STARD9: variants seen among roughly 807,000 people sequenced by gnomAD.
STARD9 encodes the protein StAR related lipid transfer domain containing 9, also known as stAR-related lipid transfer protein 9.
Under a neutral mutation model 399.8 loss-of-function variants are expected in STARD9, and 346 were observed. The ratio of observed to expected loss-of-function variants is 0.87; its 90% confidence interval spans 0.79 to 0.95. The LOEUF is 0.95. Ranked by LOEUF, STARD9 falls within the 40% of genes least tolerant of loss-of-function variation. STARD9 has a pLI of 0.00. For missense variants in STARD9, 5,832 were observed against 5,667.5 expected (o/e 1.03, Z -0.93); for synonymous variants, 2,203 against 2,143.5 (o/e 1.03, Z -0.77).
chr15:42,604,556 G>A (rs1308014906), intron 3 of STARD9, among the ~76,000 whole-genome samples: 1 of 151,778 alleles, frequency 6.6e-6, no homozygotes, highest in Admixed American at 6.6e-5. Context: ...CGTGAAGAGG[G>A]AGGAAGATTG....
At position 42,649,008 on chromosome 15, in the gene STARD9, A is replaced by T. The variant is rs2059702283; in HGVS notation, c.560-2008A>T. Among the ~76,000 whole-genome samples the T allele has an allele frequency of 2.0e-5, 3 of 152,138 alleles. No individual in the cohort carries two copies. In the South Asian group the frequency reaches 6.2e-4, roughly 32 times the overall value. ...TGCCTCAGCCTCCCAAGTAGCTGAG[A>T]TTACAGGTGTGCACACCTAGCCTCC... On this transcript the variant is annotated intron_variant, in intron 7 of 32. Transcript: ENST00000290607.
At chr15:42,601,437 C>T (rs74802190) in intron 3 of STARD9, among the ~76,000 whole-genome samples, 15 of 151,554 alleles carry the variant, frequency 9.9e-5, no homozygotes, top group African/African-American at 2.2e-4. Context: ...CCAGACGGGG[C>T]GGCCGGGCAG....
chr15:42,655,057 G>A (rs925138442), intron 9 of STARD9, among the ~76,000 whole-genome samples: 7 of 152,134 alleles, frequency 4.6e-5, no homozygotes, highest in African/African-American at 1.7e-4. Flanking sequence ...CGAGGCAGGC[G>A]GATCACTTGA....
intron 3 of STARD9, among the ~76,000 whole-genome samples, chr15:42,623,446 G>A (rs1273717375): frequency 6.6e-6 from 1 of 152,100 alleles, no homozygotes; most frequent in Non-Finnish European, 1.5e-5. Context: ...AGTTTGTTGT[G>A]GACTGAAGAC....
chr15:42,689,179 C>A lies in STARD9; in HGVS notation c.7601C>A (p.Pro2534Gln). The change falls in exon 23 of 33, where the codon CCA becomes CAA. Residue 2534 changes from proline (P) to glutamine (Q), a missense_variant. By Grantham distance (76) the Pro-to-Gln change is moderately conservative. Coordinates refer to ENST00000290607, the MANE Select transcript of STARD9 (RefSeq NM_020759.3). ...APVSLPRVPSPEPRLLEPSDH... is the reference protein window; with the variant it reads ...APVSLPRVPSQEPRLLEPSDH... ...GTTTCCCTGCCGAGGGTGCCCAGTC[C>A]AGAGCCTAGGCTGTTGGAGCCCTCT... 1.3e-6 allele frequency: 2 copies of A among 1,537,268 alleles called. No homozygotes were observed. Among genetic ancestry groups the A allele is most frequent in the Non-Finnish European group, 1.7e-6 (2 of 1,146,928 alleles).
Position 42,686,757 on chromosome 15 carries a change from C to G in STARD9, c.5179C>G (p.Leu1727Val), listed in dbSNP as rs780581014. Residue 1727 changes from leucine (L) to valine (V), a missense_variant, in exon 23 of 33, where the codon CTT becomes GTT. Transcript: ENST00000290607. The part of the protein sequence containing the change: ...FALPSGPELY[L>V]HSAPWNPLSS... Reference sequence around the variant, plus strand: ...CCTTCCTTCAGGTCCAGAGCTATACCTTCACTCTGCTCCCTGGAATCCATT... The same window carrying G: ...CCTTCCTTCAGGTCCAGAGCTATACGTTCACTCTGCTCCCTGGAATCCATT... 7.2e-6 allele frequency: 11 copies of G among 1,537,352 alleles called. No individual in the cohort carries two copies. Among genetic ancestry groups the G allele is most frequent in the South Asian group, 5.9e-5 (5 of 84,060 alleles).
At position 42,686,049 on chromosome 15, in the gene STARD9, T is replaced by G. The variant is rs1431001734; in HGVS notation, c.4471T>G (p.Tyr1491Asp). The change falls in exon 23 of 33, where the codon TAC (tyrosine) becomes GAC (aspartate). Residue 1491 changes from tyrosine (Y) to aspartate (D), a missense_variant. Physicochemically the swap from Tyr to Asp is radical, Grantham distance 160 (BLOSUM62 -3). This residue lies in a region of STARD9 where 5,828 missense variants were observed against 5,651.1 expected (regional missense o/e 1.03). Transcript: ENST00000290607. ...ERDWSALQQKYLLELSCPVLE... is the reference protein window; with the variant it reads ...ERDWSALQQKDLLELSCPVLE... ...GGATTGGTCTGCCCTTCAGCAGAAG[T>G]ACCTCCTTGAACTCTCTTGTCCTGT... 1 of 1,537,162 alleles carries G rather than the reference T, an allele frequency of 6.5e-7. No individual in the cohort carries two copies. The highest frequency in any genetic ancestry group is 2.4e-5 in the East Asian group (1 of 40,928).
chr15:42,603,268 C>G (rs1034792511), intron 3 of STARD9, among the ~76,000 whole-genome samples: 1 of 152,048 alleles, frequency 6.6e-6, no homozygotes, highest in African/African-American at 2.4e-5. Flanking sequence ...ACTACAGGCA[C>G]GTGCTACCAC....
chr15:42,695,354 G>A (rs2060820414), intron 25 of STARD9, 31 bp downstream of exon 25: 1 of 1,503,774 alleles, frequency 6.6e-7, no homozygotes, highest in Non-Finnish European at 8.9e-7. Context: ...CTGATTTCAG[G>A]ATAGGCCTGG....
chr15:42,600,867 T>C (rs1203935328), intron 3 of STARD9, among the ~76,000 whole-genome samples: 2 of 151,218 alleles, frequency 1.3e-5, no homozygotes, highest in Non-Finnish European at 1.5e-5. Context: ...TCTTTCTTTT[T>C]TTTTTTTTTT....
At chr15:42,577,966 A>G (rs1391864151) in intron 1 of STARD9, among the ~76,000 whole-genome samples, 2 of 152,242 alleles carry the variant, frequency 1.3e-5, no homozygotes, top group African/African-American at 2.4e-5. Flanking sequence ...TCCAGATGAC[A>G]GAATGGTTTG....
chr15:42,596,854 G>A (rs780044692), intron 3 of STARD9, among the ~76,000 whole-genome samples: 2 of 152,268 alleles, frequency 1.3e-5, no homozygotes, highest in Middle Eastern at 3.4e-3. Flanking sequence ...TATTCGAACA[G>A]TACAGAAGAC....
Position 42,684,374 on chromosome 15 carries a change from G to A in STARD9, c.2796G>A (p.Gln932=). 1.3e-6 allele frequency: 2 copies of A among 1,537,034 alleles called. No individual in the cohort carries two copies. The highest frequency in any genetic ancestry group is 1.7e-6 in the Non-Finnish European group (2 of 1,146,820). The part of the protein sequence containing the change: ...LTMSPNSVGI[Q]EMEMGVKQPH... ...TGAGTCCCAACTCTGTTGGCATCCA[G>A]GAAATGGAGATGGGGGTTAAGCAGC... is the stretch of plus-strand genomic sequence containing the variant. Residue 932 remains glutamine, a synonymous_variant, in exon 23 of 33, where the codon CAG becomes CAA. Coordinates refer to ENST00000290607, the MANE Select transcript of STARD9 (RefSeq NM_020759.3).
intron 3 of STARD9, among the ~76,000 whole-genome samples, chr15:42,589,768 A>C (rs974017729): frequency 6.7e-6 from 1 of 149,820 alleles, no homozygotes; most frequent in Non-Finnish European, 1.5e-5. Context: ...CACCATGCCC[A>C]GCTAATTTTT....
chr15:42,718,198 G>A lies in STARD9; in HGVS notation c.13762+19G>A, dbSNP rs2061387339. 1 of 1,530,064 alleles carries A rather than the reference G, an allele frequency of 6.5e-7. No homozygotes were observed. The highest frequency in any genetic ancestry group is 8.8e-7 in the Non-Finnish European group (1 of 1,141,460). 94.8% of individuals were successfully genotyped at this position (1,530,064 alleles called of 1,614,324 possible). A position where few individuals can be genotyped will look rare whatever the true frequency, so the allele number is the denominator to read the frequency against. On this transcript the variant is annotated intron_variant, in intron 30 of 32. Transcript: ENST00000290607. ...AGCCTGGGTGAGCCCAGGGAAGGAA[G>A]GCTTCCATGGGGCCTAGTTTCTGGT...
At position 42,690,973 on chromosome 15, in the gene STARD9, C is replaced by T; in HGVS notation, c.9395C>T (p.Pro3132Leu). The T allele has an allele frequency of 6.5e-7, 1 of 1,537,204 alleles. No homozygotes were observed. The highest frequency in any genetic ancestry group is 8.7e-7 in the Non-Finnish European group (1 of 1,146,914). The change falls in exon 23 of 33, where the codon CCA (proline) becomes CTA (leucine). Residue 3132 changes from proline (P) to leucine (L), a missense_variant. By Grantham distance (98) the Pro-to-Leu change is moderately conservative. Around this residue, in one of 2 missense-constraint regions of STARD9, gnomAD observed 5,828 missense variants for 5,651.1 expected, o/e 1.03. Coordinates refer to ENST00000290607, the MANE Select transcript of STARD9 (RefSeq NM_020759.3). ...DQNAQVCQTN[P>L]EPPATTQGPH... ...AATGCACAGGTGTGTCAAACCAATC[C>T]AGAACCACCTGCAACAACTCAGGGA...
chr15:42,639,352 A>G (rs1052889385), intron 7 of STARD9, among the ~76,000 whole-genome samples: 1 of 152,136 alleles, frequency 6.6e-6, no homozygotes, highest in African/African-American at 2.4e-5. Flanking sequence ...CATGGCCTCT[A>G]CTGGTTCCCT....
chr15:42,585,309 A>G (rs903016048), intron 2 of STARD9, among the ~76,000 whole-genome samples: 4 of 152,238 alleles, frequency 2.6e-5, no homozygotes, highest in Non-Finnish European at 5.9e-5. Flanking sequence ...AGGCAGATAT[A>G]TGATAGAATG....
chr15:42,683,796 T>C (rs141660186), intron 22 of STARD9, among the ~76,000 whole-genome samples: 183 of 152,336 alleles, frequency 1.2e-3, no homozygotes, highest in African/African-American at 4.2e-3. Context: ...CTCTATAGAT[T>C]TATCTTTTGG....
Sources: gnomAD v4.1 joint callset for allele counts (sites outside exome capture counted in the v4.1 genomes callset) on GRCh38, gnomAD v4.1.1 for gene constraint, gnomAD v4.1.1 regional missense constraint, MANE v1.5 for transcripts, NCBI Gene and HGNC (gene_info 2026-07-23, HGNC 2026-07-21) for gene names.